MAGI2: variants seen among roughly 807,000 people sequenced by gnomAD.
MAGI2 encodes the protein membrane-associated guanylate kinase, WW and PDZ domain-containing protein 2.
Under a neutral mutation model 133.3 loss-of-function variants are expected in MAGI2, and 35 were observed. That is an observed-to-expected ratio of 0.26 (90% CI 0.20 to 0.35). The LOEUF (loss-of-function observed/expected upper bound fraction) is 0.35. Among genes scored for constraint, MAGI2 ranks in the 10% least tolerant of loss-of-function variants. MAGI2 has a pLI of 1.00. For missense variants in MAGI2, 1,636 were observed against 1,863.4 expected (o/e 0.88, Z 2.25); for synonymous variants, 729 against 710.6 (o/e 1.03, Z -0.41).
intron 3 of MAGI2, among the ~76,000 whole-genome samples, chr7:78,555,583 G>C (rs1160723056): frequency 6.6e-6 from 1 of 152,174 alleles, no homozygotes; most frequent in Non-Finnish European, 1.5e-5. Context: ...CAATGATAAT[G>C]AAGTTATTTC....
At chr7:78,191,749 G>A (rs954495566) in intron 12 of MAGI2, among the ~76,000 whole-genome samples, 2 of 152,176 alleles carry the variant, frequency 1.3e-5, no homozygotes, top group Non-Finnish European at 2.9e-5. Flanking sequence ...ATCACAGCAT[G>A]TACCTGTCAT....
chr7:78,595,057 T>A (rs1804451448), intron 3 of MAGI2, among the ~76,000 whole-genome samples: 1 of 152,208 alleles, frequency 6.6e-6, no homozygotes, highest in Non-Finnish European at 1.5e-5. Context: ...GGGCCTTTTC[T>A]CTGTAACCGG....
intron 9 of MAGI2, among the ~76,000 whole-genome samples, chr7:78,339,886 T>A (rs975666785): frequency 2.0e-5 from 3 of 152,202 alleles, no homozygotes; most frequent in Non-Finnish European, 4.4e-5. Context: ...ATAATATGCA[T>A]TATTACTCAC....
At chr7:78,580,195 A>C (rs1054382737) in intron 3 of MAGI2, among the ~76,000 whole-genome samples, 1 of 152,228 alleles carries the variant, frequency 6.6e-6, no homozygotes, top group African/African-American at 2.4e-5. Flanking sequence ...AAATTTAAAA[A>C]TTAATAAGAT....
chr7:78,061,610 C>T (rs1401988431), intron 21 of MAGI2, among the ~76,000 whole-genome samples: 1 of 152,096 alleles, frequency 6.6e-6, no homozygotes, highest in African/African-American at 2.4e-5. Flanking sequence ...GTAGAATTGT[C>T]TAGCAGGCAG....
chr7:78,641,720 C>A (rs752281285), intron 2 of MAGI2, among the ~76,000 whole-genome samples: 1 of 152,008 alleles, frequency 6.6e-6, no homozygotes, highest in Non-Finnish European at 1.5e-5. Context: ...TTCAAAACAA[C>A]CAACCAGGTA....
chr7:79,013,944 T>C (rs112578189), intron 1 of MAGI2, among the ~76,000 whole-genome samples: 10,863 of 152,296 alleles, frequency 0.071, 411 homozygotes, highest in Non-Finnish European at 0.081. Context: ...CCCTTCAATA[T>C]TTTATTCATA....
At chr7:78,502,721 C>T (rs1266529957) in intron 4 of MAGI2, among the ~76,000 whole-genome samples, 2 of 152,098 alleles carry the variant, frequency 1.3e-5, no homozygotes, top group African/African-American at 2.4e-5. Context: ...GCACATCCCT[C>T]GTAGCTAAGG....
chr7:79,171,770 A>ATT (rs144599296), intron 1 of MAGI2, among the ~76,000 whole-genome samples: 8 of 31,222 alleles, frequency 2.6e-4, no homozygotes, highest in Non-Finnish European at 5.6e-4. Flanking sequence ...ATATATATAT[A>ATT]TTTTTTTTTT....
chr7:78,734,085 T>A (rs1289039616), intron 2 of MAGI2, among the ~76,000 whole-genome samples: 3 of 152,338 alleles, frequency 2.0e-5, no homozygotes, highest in South Asian at 2.1e-4. Flanking sequence ...GATGATATCA[T>A]ATGTTGCTTA....
chr7:78,668,887 A>T (rs562199762), intron 2 of MAGI2, among the ~76,000 whole-genome samples: 1 of 151,210 alleles, frequency 6.6e-6, no homozygotes, highest in Non-Finnish European at 1.5e-5. Flanking sequence ...ACAAAGACAC[A>T]ACATACCAGA....
chr7:78,607,251 A>G (rs940868396), intron 3 of MAGI2, among the ~76,000 whole-genome samples: 1 of 152,156 alleles, frequency 6.6e-6, no homozygotes, highest in East Asian at 1.9e-4. Flanking sequence ...GCTAGGGGGC[A>G]GTCATGTCAC....
intron 1 of MAGI2, among the ~76,000 whole-genome samples, chr7:79,332,781 AT>A (rs1177347840): frequency 6.6e-6 from 1 of 152,142 alleles, no homozygotes. Context: ...TTAATCAGTT[AT>A]TTTTGTGAAC....
intron 3 of MAGI2, among the ~76,000 whole-genome samples, chr7:78,544,662 A>G (rs1447771531): frequency 2.0e-5 from 3 of 152,176 alleles, no homozygotes; most frequent in African/African-American, 7.2e-5. Flanking sequence ...ACTCTGAAGT[A>G]TATGCCAGAC....
At chr7:79,143,575 A>T (rs1046520445) in intron 1 of MAGI2, among the ~76,000 whole-genome samples, 4 of 152,200 alleles carry the variant, frequency 2.6e-5, no homozygotes, top group Non-Finnish European at 2.9e-5. Flanking sequence ...CAATATCCCA[A>T]TGCTGATGTA....
At chr7:78,138,494 C>T (rs1348813213) in intron 16 of MAGI2, among the ~76,000 whole-genome samples, 2 of 152,114 alleles carry the variant, frequency 1.3e-5, no homozygotes, top group South Asian at 2.1e-4. Context: ...AATTTAAAAA[C>T]GTACTTCAAA....
chr7:79,448,376 T>C (rs1849007500), intron 1 of MAGI2, among the ~76,000 whole-genome samples: 1 of 152,088 alleles, frequency 6.6e-6, no homozygotes, highest in Non-Finnish European at 1.5e-5. Context: ...TTAATTTGAA[T>C]TGAGTAAAAT....
intron 1 of MAGI2, among the ~76,000 whole-genome samples, chr7:79,452,403 A>C (rs1285586699): frequency 6.6e-6 from 1 of 152,136 alleles, no homozygotes; most frequent in Admixed American, 6.5e-5. Flanking sequence ...GGAGGGGGAC[A>C]CGGAGTGAAG....
chr7:79,054,296 C>A (rs1812940054), intron 1 of MAGI2, among the ~76,000 whole-genome samples: 1 of 152,016 alleles, frequency 6.6e-6, no homozygotes, highest in Non-Finnish European at 1.5e-5. Flanking sequence ...AATCATAATT[C>A]AAATACAATA....
Sources: gnomAD v4.1 joint callset for allele counts (sites outside exome capture counted in the v4.1 genomes callset) on GRCh38, gnomAD v4.1.1 for gene constraint, MANE v1.5 for transcripts, NCBI Gene and HGNC (gene_info 2026-07-23, HGNC 2026-07-21) for gene names.